RBM6: variants seen among roughly 807,000 people sequenced by gnomAD.
The protein encoded by RBM6 is RNA-binding protein 6.
Under a neutral mutation model 140.4 loss-of-function variants are expected in RBM6, and 23 were observed. The observed-to-expected ratio is 0.16, with a 90% CI of 0.12 to 0.23. The LOEUF (loss-of-function observed/expected upper bound fraction) is 0.23, where lower values mean the gene tolerates loss of function less well. Ranked by LOEUF, RBM6 falls within the 10% of genes least tolerant of loss-of-function variation. RBM6 has a pLI of 1.00. For synonymous variants in RBM6, 439 were observed against 475.6 expected (o/e 0.92, Z 1.00); for missense variants, 1,139 against 1,386.7 (o/e 0.82, Z 2.84).
intron 6 of RBM6, among the ~76,000 whole-genome samples, chr3:50,001,861 A>G (rs1479404730): frequency 6.6e-6 from 1 of 152,224 alleles, no homozygotes; most frequent in Non-Finnish European, 1.5e-5. Flanking sequence ...GCTGAGTGCT[A>G]TAAAGAAAAT....
chr3:50,041,480 A>G (rs1446810102), intron 6 of RBM6, among the ~76,000 whole-genome samples: 1 of 152,186 alleles, frequency 6.6e-6, no homozygotes, highest in Non-Finnish European at 1.5e-5. Flanking sequence ...TTTAAAAAAT[A>G]TTTGAACTAT....
intron 8 of RBM6, 104 bp downstream of exon 8, chr3:50,054,499 T>A: frequency 9.7e-7 from 1 of 1,029,890 alleles, no homozygotes; most frequent in Non-Finnish European, 1.5e-6. Context: ...TCCAAGTTGA[T>A]CTACAAACCT....
chr3:50,034,896 A>C (rs1444523240), intron 6 of RBM6, among the ~76,000 whole-genome samples: 1 of 152,144 alleles, frequency 6.6e-6, no homozygotes, highest in African/African-American at 2.4e-5. Flanking sequence ...AAGCAGGCTC[A>C]GCTTCTTTGT....
chr3:50,006,822 A>G (rs951148889), intron 6 of RBM6, among the ~76,000 whole-genome samples: 8 of 151,834 alleles, frequency 5.3e-5, no homozygotes, highest in African/African-American at 1.5e-4. Flanking sequence ...AGTCCCAGCT[A>G]CTTGGGAGGC....
chr3:50,037,699 G>T (rs1365755286), intron 6 of RBM6, among the ~76,000 whole-genome samples: 2 of 151,940 alleles, frequency 1.3e-5, no homozygotes, highest in African/African-American at 4.8e-5. Context: ...GGGTCTCACT[G>T]TGTTCCCTGA....
chr3:49,996,824 T>A (rs2086108887), intron 5 of RBM6, among the ~76,000 whole-genome samples: 1 of 152,186 alleles, frequency 6.6e-6, no homozygotes, highest in Admixed American at 6.5e-5. Flanking sequence ...TTTAAATTGG[T>A]CTATGATCTT....
intron 1 of RBM6, 26 bp from the exon 2 acceptor site, chr3:49,962,550 T>C: frequency 8.8e-7 from 1 of 1,133,850 alleles, no homozygotes; most frequent in Non-Finnish European, 1.3e-6. Flanking sequence ...TCTAAAGTAC[T>C]AATTTTTGTG....
Position 49,967,850 on chromosome 3 carries a change from C to G in RBM6, c.425C>G (p.Ser142Cys), listed in dbSNP as rs367549605. 5 of 1,613,896 alleles carry G rather than the reference C, an allele frequency of 3.1e-6. No individual in the cohort carries two copies. Among genetic ancestry groups the G allele is most frequent in the Non-Finnish European group, 4.2e-6 (5 of 1,180,010 alleles). ...GACTATAGGGGTGGAGATGGTACTTCTATGGATTATAGAGGTAGGGAGGCA... is the reference window on the plus strand; with the variant it reads ...GACTATAGGGGTGGAGATGGTACTTGTATGGATTATAGAGGTAGGGAGGCA... ...PMDYRGGDGT[S>C]MDYRGREAPH... Residue 142 changes from serine (S) to cysteine (C), a missense_variant, in exon 3 of 21, where the codon TCT becomes TGT. By Grantham distance (112) the Ser-to-Cys change is moderately radical (BLOSUM62 -1). Around this residue, in one of 9 missense-constraint regions of RBM6, gnomAD observed 566 missense variants for 612.7 expected, o/e 0.92. Transcript: ENST00000266022. The surrounding 1 kb of genome is among the most constrained non-coding windows in gnomAD (Gnocchi z 4.0).
At chr3:49,970,957 C>T (rs939081908) in intron 3 of RBM6, among the ~76,000 whole-genome samples, 1 of 151,856 alleles carries the variant, frequency 6.6e-6, no homozygotes, top group Non-Finnish European at 1.5e-5. Flanking sequence ...TGGTGAAACC[C>T]CATCTCTACT....
intron 6 of RBM6, among the ~76,000 whole-genome samples, chr3:50,044,155 G>A (rs542674800): frequency 6.6e-6 from 1 of 152,140 alleles, no homozygotes; most frequent in East Asian, 1.9e-4. Flanking sequence ...TAGGATTACA[G>A]GCGTGAGCCA....
At chr3:49,948,355 C>G (rs2083584469) in intron 1 of RBM6, among the ~76,000 whole-genome samples, 1 of 151,986 alleles carries the variant, frequency 6.6e-6, no homozygotes, top group African/African-American at 2.4e-5. Context: ...TAGTGAAACC[C>G]CGATTTTACT....
rs2084593395 is a variant in RBM6, at chr3:49,968,153, C to T, written c.728C>T (p.Thr243Ile). The T allele has an allele frequency of 6.2e-7, 1 of 1,614,080 alleles. No individual in the cohort carries two copies. The highest frequency in any genetic ancestry group is 2.2e-5 in the East Asian group (1 of 44,892). The change falls in exon 3 of 21, where the codon ACT (threonine) becomes ATT (isoleucine). Residue 243 changes from threonine to isoleucine, a missense_variant. Coordinates refer to ENST00000266022, the MANE Select transcript of RBM6 (RefSeq NM_005777.3). The stretch of plus-strand genomic sequence containing the variant: ...TTTAGAGGCCGAGGTTCAGGTACTA[C>T]TGATCTAGACTTTAGGGACAGGGAT... ...VDFRGRGSGTTDLDFRDRDTP... is the reference protein window; with the variant it reads ...VDFRGRGSGTIDLDFRDRDTP...
Position 50,070,642 on chromosome 3 carries a change from G to A in RBM6, c.3116+90G>A, listed in dbSNP as rs2090271610. 5.4e-6 allele frequency: 5 copies of A among 930,360 alleles called. No individual in the cohort carries two copies. In the East Asian group the frequency reaches 1.2e-4, roughly 23 times the overall value. The allele number at this position is 930,360 out of a possible 1,614,324, so 57.6% of individuals were successfully genotyped here. A position where few individuals can be genotyped will look rare whatever the true frequency, so the allele number is the denominator to read the frequency against. ...AACTGTACTGCTGTTTTCTGTCTCA[G>A]GGAGATGATATTATGAGTAGATTCT... On this transcript the variant is annotated intron_variant, in intron 19 of 20. Transcript: ENST00000266022.
chr3:49,956,036 T>A (rs1183793547), intron 1 of RBM6, among the ~76,000 whole-genome samples: 3 of 151,782 alleles, frequency 2.0e-5, no homozygotes, highest in Non-Finnish European at 4.4e-5. Context: ...AAATTTTTTT[T>A]TTTTGAGAGC....
intron 19 of RBM6, 90 bp downstream of exon 19, chr3:50,070,642 G>C: frequency 1.1e-6 from 1 of 930,360 alleles, no homozygotes; most frequent in East Asian, 2.5e-5. Context: ...TTCTGTCTCA[G>C]GGAGATGATA....
rs542734328 is a variant in RBM6 at position 50,021,740 on chromosome 3, C to CTTTTTTTTTTTTTTTTTTTTTTTTT, written c.1557+22233_1557+22257dup. Among the ~76,000 whole-genome samples the CTTTTTTTTTTTTTTTTTTTTTTTTT allele has an allele frequency of 1.9e-4, 8 of 42,752 alleles. 1 individual carries two copies. The highest frequency in any genetic ancestry group is 9.1e-4 in the Admixed American group (2 of 2,208). The allele number at this position is 42,752 out of a possible 152,430, so 28.0% of individuals were successfully genotyped here. ...ATCTCCATACTGAGGAATTTAAGTG[C>CTTTTTTTTTTTTTTTTTTTTTTTTT]TTTTTTTTTTTTTTTTTTTTTTTTT... On this transcript the variant is annotated intron_variant, in intron 6 of 20. Transcript: ENST00000266022.
intron 3 of RBM6, among the ~76,000 whole-genome samples, chr3:49,970,236 T>A (rs989402980): frequency 2.6e-5 from 4 of 152,138 alleles, no homozygotes; most frequent in Non-Finnish European, 5.9e-5. Flanking sequence ...CCACCATGCC[T>A]GGCCAGCAAT....
At chr3:49,941,974 C>T (rs1328942949) in intron 1 of RBM6, among the ~76,000 whole-genome samples, 2 of 151,644 alleles carry the variant, frequency 1.3e-5, no homozygotes, top group Non-Finnish European at 2.9e-5. Flanking sequence ...GTGGCATGCT[C>T]CTGTTAGCCC....
chr3:49,997,129 A>T (rs539801066), intron 5 of RBM6, among the ~76,000 whole-genome samples: 3 of 151,894 alleles, frequency 2.0e-5, no homozygotes, highest in Non-Finnish European at 4.4e-5. Flanking sequence ...GAAAATCCTT[A>T]TGGCACAACC....
Sources: gnomAD v4.1 joint callset for allele counts (sites outside exome capture counted in the v4.1 genomes callset) on GRCh38, gnomAD v4.1.1 for gene constraint, gnomAD v4.1.1 regional missense constraint, Gnocchi (gnomAD v3.1) non-coding constraint, MANE v1.5 for transcripts, NCBI Gene and HGNC (gene_info 2026-07-23, HGNC 2026-07-21) for gene names.